The following DNAH14 variants were observed in gnomAD, a reference collection of about 807,000 sequenced individuals.
The protein encoded by DNAH14 is axonemal beta dynein heavy chain 14.
In DNAH14, 478 loss-of-function variants were observed where a neutral mutation model predicts 520.9. The ratio of observed to expected loss-of-function variants is 0.92; its 90% confidence interval spans 0.85 to 0.99. The LOEUF (loss-of-function observed/expected upper bound fraction) is 0.99. DNAH14 is among the 50% of genes least tolerant of loss of function. The pLI, the probability that DNAH14 is intolerant of heterozygous loss-of-function variation, is 0.00. For synonymous variants in DNAH14, 1,581 were observed against 1,757.2 expected (o/e 0.90, Z 2.51); for missense variants, 4,831 against 5,234.5 (o/e 0.92, Z 2.38).
intron 10 of DNAH14, among the ~76,000 whole-genome samples, chr1:225,011,529 T>G (rs1288151361): frequency 6.6e-6 from 1 of 152,078 alleles, no homozygotes; most frequent in Non-Finnish European, 1.5e-5. Flanking sequence ...GACAGTGAGG[T>G]GTTAAAGTCT....
At chr1:224,990,015 GT>G (rs934642208) in intron 8 of DNAH14, among the ~76,000 whole-genome samples, 12 of 120,320 alleles carry the variant, frequency 1.0e-4, no homozygotes, top group African/African-American at 1.6e-4. Context: ...CTGTGTTGTT[GT>G]TTTTTTTTTA....
intron 7 of DNAH14, among the ~76,000 whole-genome samples, chr1:224,971,675 A>C (rs1439127851): frequency 6.6e-6 from 1 of 152,182 alleles, no homozygotes; most frequent in African/African-American, 2.4e-5. Context: ...AATGATGAAA[A>C]AGAGACAGCC....
chr1:225,118,126 C>T lies in DNAH14; in HGVS notation c.4091+127C>T, dbSNP rs61213216. 1,114 of 766,642 alleles carry T rather than the reference C, an allele frequency of 1.5e-3. 9 individuals carry two copies. The African/African-American group carries it at 0.017, about 12-fold the overall frequency. The allele number at this position is 766,642 out of a possible 1,614,324, so 47.5% of individuals were successfully genotyped here. A position where few individuals can be genotyped will look rare whatever the true frequency, so the allele number is the denominator to read the frequency against. On this transcript the variant is annotated intron_variant, in intron 25 of 85. Coordinates refer to ENST00000682510, the MANE Select transcript of DNAH14 (RefSeq NM_001367479.1). ...TGTTTCTTCAAAGATTATATCCTTA[C>T]GTAAATATACTTTTGCCTTTCCATA... is the stretch of plus-strand genomic sequence containing the variant.
intron 17 of DNAH14, among the ~76,000 whole-genome samples, chr1:225,077,123 T>C (rs1028813432): frequency 6.6e-6 from 1 of 152,246 alleles, no homozygotes; most frequent in Non-Finnish European, 1.5e-5. Flanking sequence ...TAAGAGTTTT[T>C]ATTATAAATG....
At chr1:224,982,381 G>T (rs867696387) in intron 8 of DNAH14, among the ~76,000 whole-genome samples, 21 of 152,146 alleles carry the variant, frequency 1.4e-4, no homozygotes, top group African/African-American at 4.6e-4. Flanking sequence ...TTTGGGTCAG[G>T]GTCTGCTAAT....
chr1:225,363,149 A>C (rs1157892699), intron 75 of DNAH14, among the ~76,000 whole-genome samples: 1 of 152,134 alleles, frequency 6.6e-6, no homozygotes, highest in East Asian at 1.9e-4. Context: ...CTTAACATTT[A>C]CCCTATCATT....
intron 41 of DNAH14, among the ~76,000 whole-genome samples, chr1:225,222,871 G>T (rs2090177968): frequency 6.6e-6 from 1 of 152,126 alleles, no homozygotes; most frequent in South Asian, 2.1e-4. Flanking sequence ...ATAGAGCTCT[G>T]GGAACAAGTG....
intron 10 of DNAH14, 35 bp from the exon 11 acceptor site, chr1:225,023,576 AAATC>A: frequency 2.1e-6 from 3 of 1,454,538 alleles, no homozygotes; most frequent in Non-Finnish European, 2.7e-6. Context: ...TTAACAAAGA[AAATC>A]AATACTTGTT....
intron 5 of DNAH14, among the ~76,000 whole-genome samples, chr1:224,965,215 T>A (rs1203662543): frequency 6.6e-6 from 1 of 152,100 alleles, no homozygotes; most frequent in Non-Finnish European, 1.5e-5. Flanking sequence ...CTCTCCCTAC[T>A]GTTAGATAGG....
In DNAH14 at chr1:224,952,693, A is replaced by G. The variant is rs1337185007; in HGVS notation, c.-10A>G. Reference sequence around the variant, plus strand: ...AGCCAGTTCCTTTATAGTTTTGTTCAGAAAAACATATGGAGACGTTTATAC... The same window carrying G: ...AGCCAGTTCCTTTATAGTTTTGTTCGGAAAAACATATGGAGACGTTTATAC... On this transcript the variant is annotated 5_prime_UTR_variant, in exon 2 of 86. Transcript: ENST00000682510. The G allele has an allele frequency of 6.4e-7, 1 of 1,567,120 alleles. No homozygotes were observed. Among genetic ancestry groups the G allele is most frequent in the Non-Finnish European group, 8.6e-7 (1 of 1,162,410 alleles).
At chr1:225,156,454 C>G (rs182867778) in intron 34 of DNAH14, among the ~76,000 whole-genome samples, 1 of 152,104 alleles carries the variant, frequency 6.6e-6, no homozygotes, top group South Asian at 2.1e-4. Flanking sequence ...TCCTGGCTTA[C>G]GACCACAGCA....
chr1:225,298,191 G>C (rs2094055188), intron 55 of DNAH14, among the ~76,000 whole-genome samples: 1 of 151,938 alleles, frequency 6.6e-6, no homozygotes, highest in African/African-American at 2.4e-5. Context: ...TAGCCTGGGG[G>C]TATGTCTTCC....
chr1:225,188,111 A>G (rs550891465), intron 37 of DNAH14, among the ~76,000 whole-genome samples: 7 of 152,076 alleles, frequency 4.6e-5, no homozygotes, highest in Admixed American at 3.3e-4. Context: ...ATACCACAAT[A>G]GATATGTTGT....
chr1:224,974,714 T>G (rs1218293268), intron 8 of DNAH14, among the ~76,000 whole-genome samples: 2 of 152,164 alleles, frequency 1.3e-5, no homozygotes, highest in East Asian at 1.9e-4. Context: ...TATAGCTATA[T>G]CCACCTTCCT....
intron 10 of DNAH14, among the ~76,000 whole-genome samples, chr1:225,010,523 C>T (rs185571994): frequency 1.3e-4 from 20 of 151,952 alleles, no homozygotes; most frequent in Admixed American, 6.6e-4. Context: ...ATTTTTGCAT[C>T]GATGTTCATC....
chr1:225,094,323 G>A (rs1340296405), intron 21 of DNAH14, among the ~76,000 whole-genome samples: 14 of 151,886 alleles, frequency 9.2e-5, no homozygotes, highest in Admixed American at 3.9e-4. Context: ...AAATAAAGCC[G>A]CATACCTACG....
At chr1:225,265,998 T>C (rs1211835678) in intron 48 of DNAH14, among the ~76,000 whole-genome samples, 2 of 152,080 alleles carry the variant, frequency 1.3e-5, no homozygotes, top group Non-Finnish European at 2.9e-5. Flanking sequence ...TGTGGGTTTT[T>C]TACGTTGCTT....
chr1:225,088,532 A>G (rs1173421864), intron 21 of DNAH14, among the ~76,000 whole-genome samples: 1 of 152,194 alleles, frequency 6.6e-6, no homozygotes, highest in Non-Finnish European at 1.5e-5. Context: ...GCTGTGGGAA[A>G]GCTTCAGACA....
In DNAH14 at chr1:225,354,095, C is replaced by T. The variant is rs562428149; in HGVS notation, c.11619+207C>T. On this transcript the variant is annotated intron_variant, in intron 73 of 85. Coordinates refer to ENST00000682510, the MANE Select transcript of DNAH14 (RefSeq NM_001367479.1). The stretch of plus-strand genomic sequence containing the variant: ...CAATGTGAGTAACATTCCTGGAGTC[C>T]CTCTGTCCCCTCATTTATTCTCCCC... The T allele has an allele frequency of 3.6e-5, 25 of 702,500 alleles. No individual in the cohort carries two copies. The South Asian group carries it at 3.8e-4, about 11-fold the overall frequency. 43.5% of individuals were successfully genotyped at this position (702,500 alleles called of 1,614,324 possible).
Sources: gnomAD v4.1 joint callset for allele counts (sites outside exome capture counted in the v4.1 genomes callset) on GRCh38, gnomAD v4.1.1 for gene constraint, MANE v1.5 for transcripts, NCBI Gene and HGNC (gene_info 2026-07-23, HGNC 2026-07-21) for gene names.